MLIP: variants seen among roughly 807,000 people sequenced by gnomAD.
The protein encoded by MLIP is muscular LMNA interacting protein.
MLIP carries 79 observed loss-of-function variants against 84.8 expected under a neutral mutation model. That is an observed-to-expected ratio of 0.93 (90% confidence interval 0.78 to 1.12). The LOEUF (loss-of-function observed/expected upper bound fraction) is 1.12, where lower values mean the gene tolerates loss of function less well. MLIP is among the 50% of genes most tolerant of loss of function. The probability of loss-of-function intolerance (pLI) is 0.00; values close to 1 mark genes in which losing one functional copy is unlikely to be tolerated. For synonymous variants in MLIP, 504 were observed against 463.0 expected (o/e 1.09, Z -1.14); for missense variants, 1,257 against 1,160.6 (o/e 1.08, Z -1.21).
chr6:54,255,907 G>A (rs150761906), intron 12 of MLIP, among the ~76,000 whole-genome samples: 183 of 152,274 alleles, frequency 1.2e-3, no homozygotes, highest in African/African-American at 4.2e-3. Context: ...TTATACCAAT[G>A]ACTGTGCTAT....
At chr6:54,204,142 T>A (rs9464033) in intron 11 of MLIP, among the ~76,000 whole-genome samples, 91 of 152,296 alleles carry the variant, frequency 6.0e-4, no homozygotes, top group Middle Eastern at 3.4e-3. Flanking sequence ...TAAGTCTGAT[T>A]TTTTTAGAAG....
At chr6:54,231,128 T>G (rs1780972485) in intron 12 of MLIP, among the ~76,000 whole-genome samples, 1 of 152,186 alleles carries the variant, frequency 6.6e-6, no homozygotes, top group Non-Finnish European at 1.5e-5. Context: ...CATTTATATA[T>G]TTTTCCAAAG....
intron 1 of MLIP, among the ~76,000 whole-genome samples, chr6:54,072,129 C>A (rs901077119): frequency 8.5e-5 from 13 of 152,230 alleles, no homozygotes; most frequent in Non-Finnish European, 1.9e-4. Context: ...CCCACTGATA[C>A]CAGCTGATTT....
At chr6:54,239,490 G>T (rs867863801) in intron 12 of MLIP, among the ~76,000 whole-genome samples, 1 of 150,788 alleles carries the variant, frequency 6.6e-6, no homozygotes, top group Non-Finnish European at 1.5e-5. Context: ...TAGTTTTGAG[G>T]CTGGGTGTGG....
rs374308453 is a variant in MLIP, at chr6:54,060,022, C to T, written c.63+40931C>T. ...TCCACAAAAGTAGACTTTTGATTAACGATTTTTAAAATAGTAAATTTAATG... is the reference window on the plus strand; with the variant it reads ...TCCACAAAAGTAGACTTTTGATTAATGATTTTTAAAATAGTAAATTTAATG... On this transcript the variant is annotated intron_variant, in intron 1 of 12. Transcript: ENST00000274897. Among the ~76,000 whole-genome samples the T allele has an allele frequency of 2.1e-4, 32 of 152,270 alleles. 1 individual carries two copies. The East Asian group carries it at 5.0e-3, about 24-fold the overall frequency.
At chr6:54,027,503 C>T (rs150943973) in intron 1 of MLIP, among the ~76,000 whole-genome samples, 1 of 152,122 alleles carries the variant, frequency 6.6e-6, no homozygotes, top group South Asian at 2.1e-4. Context: ...TCCTACCACT[C>T]CCTGCAACGT....
chr6:54,121,554 T>C lies in MLIP; in HGVS notation c.204T>C (p.Val68=). Residue 68 remains valine, a synonymous_variant, in exon 2 of 14, where the codon GTT becomes GTC. Transcript: ENST00000502396. ...TGGCTGACACCTCTAAATTCCTTGT[T>C]AAAATTCCAGAAGAATCAAGTGATA... ...TQLADTSKFL[V]KIPEESSDKS... 6.2e-7 allele frequency: 1 copy of C among 1,613,816 alleles called. No homozygotes were observed. Among genetic ancestry groups the C allele is most frequent in the Non-Finnish European group, 8.5e-7 (1 of 1,179,774 alleles).
At position 54,136,908 on chromosome 6, in the gene MLIP, C is replaced by G; in HGVS notation, c.839C>G (p.Thr280Ser). 6.5e-7 allele frequency: 1 copy of G among 1,535,834 alleles called. No homozygotes were observed. The highest frequency in any genetic ancestry group is 8.7e-7 in the Non-Finnish European group (1 of 1,146,766). The change falls in exon 4 of 14, where the codon ACT (threonine) becomes AGT (serine). Residue 280 changes from threonine to serine, a missense_variant. Coordinates refer to ENST00000502396, the MANE Select transcript of MLIP (RefSeq NM_001281747.2). ...GAAGAATCAGCTACGTATTTTCAAA[C>G]TACCGCTCACTCTACACCCTTTTCT... ...VVEESATYFQ[T>S]TAHSTPFSAS...
intron 9 of MLIP, among the ~76,000 whole-genome samples, chr6:54,179,736 TG>T (rs1370339528): frequency 3.3e-5 from 5 of 152,158 alleles, no homozygotes. Flanking sequence ...AACTTTTTGT[TG>T]TTTTTTTATG....
At chr6:54,095,964 C>T (rs976048551) in intron 1 of MLIP, among the ~76,000 whole-genome samples, 14 of 152,008 alleles carry the variant, frequency 9.2e-5, no homozygotes, top group Non-Finnish European at 1.5e-4. Context: ...TGGAGTGTGA[C>T]TGAGGCTCTA....
At chr6:54,125,089 A>G (rs1392668952) in intron 3 of MLIP, among the ~76,000 whole-genome samples, 1 of 152,258 alleles carries the variant, frequency 6.6e-6, no homozygotes, top group African/African-American at 2.4e-5. Flanking sequence ...AATTGGCTGA[A>G]GAGAAAATGT....
intron 12 of MLIP, among the ~76,000 whole-genome samples, chr6:54,254,354 T>C (rs1362270165): frequency 6.6e-6 from 1 of 152,044 alleles, no homozygotes; most frequent in Non-Finnish European, 1.5e-5. Flanking sequence ...TTCAAACTCC[T>C]GATCTTGTGA....
intron 1 of MLIP, among the ~76,000 whole-genome samples, chr6:54,034,161 G>A (rs1291598661): frequency 2.0e-5 from 3 of 152,002 alleles, no homozygotes; most frequent in Admixed American, 6.6e-5. Flanking sequence ...AACGAAAAAC[G>A]AACCAAAAAG....
intron 11 of MLIP, among the ~76,000 whole-genome samples, chr6:54,203,185 A>G (rs192317288): frequency 2.3e-4 from 35 of 152,350 alleles, no homozygotes; most frequent in African/African-American, 7.7e-4. Flanking sequence ...ATGAAAATAC[A>G]CATTTATGCA....
intron 8 of MLIP, among the ~76,000 whole-genome samples, chr6:54,162,613 C>T (rs72961923): frequency 0.054 from 8,236 of 151,830 alleles, 233 homozygotes; most frequent in Middle Eastern, 0.13. Context: ...AGAAGCATGA[C>T]GGTTTGAGGC....
chr6:54,219,087 T>A (rs1232028441), intron 11 of MLIP, among the ~76,000 whole-genome samples: 1 of 151,480 alleles, frequency 6.6e-6, no homozygotes, highest in African/African-American at 2.4e-5. Flanking sequence ...GCGCCTGTAG[T>A]CCCAGCTACT....
At chr6:54,140,887 T>C (rs1772238004) in intron 4 of MLIP, among the ~76,000 whole-genome samples, 1 of 152,162 alleles carries the variant, frequency 6.6e-6, no homozygotes, top group Non-Finnish European at 1.5e-5. Flanking sequence ...CTTTCATGGG[T>C]TGTTTCTTGT....
chr6:54,086,663 G>T (rs1767513753), intron 1 of MLIP, among the ~76,000 whole-genome samples: 1 of 152,048 alleles, frequency 6.6e-6, no homozygotes, highest in South Asian at 2.1e-4. Context: ...TAAGAATCTT[G>T]CCACATCCCT....
At chr6:54,045,766 C>T (rs1438563929) in intron 1 of MLIP, 4 of 153,480 alleles carry the variant, frequency 2.6e-5, no homozygotes, top group Admixed American at 6.5e-5. Flanking sequence ...ACTCCTTCCT[C>T]TTCACCTTGT....
Sources: gnomAD v4.1 joint callset for allele counts (sites outside exome capture counted in the v4.1 genomes callset) on GRCh38, gnomAD v4.1.1 for gene constraint, MANE v1.5 for transcripts, NCBI Gene and HGNC (gene_info 2026-07-23, HGNC 2026-07-21) for gene names.